Variants in HERC1 observed in about 807,000 individuals in gnomAD.
HERC1 encodes the protein HECT and RLD domain containing E3 ubiquitin protein ligase family member 1.
HERC1 carries 160 observed loss-of-function variants against 554.3 expected under a neutral mutation model. That is an observed-to-expected ratio of 0.29 (90% CI 0.25 to 0.33). The LOEUF (loss-of-function observed/expected upper bound fraction) is 0.33, where lower values mean the gene tolerates loss of function less well. HERC1 is among the 10% of genes least tolerant of loss of function. HERC1 has a pLI of 1.00. For synonymous variants in HERC1, 2,175 were observed against 2,131.7 expected (o/e 1.02, Z -0.56); for missense variants, 4,919 against 5,918.5 (o/e 0.83, Z 5.54).
At chr15:63,737,320 A>G (rs1264392544) in intron 12 of HERC1, among the ~76,000 whole-genome samples, 1 of 148,900 alleles carries the variant, frequency 6.7e-6, no homozygotes, top group Non-Finnish European at 1.5e-5. Context: ...CACAGAAAAC[A>G]ATGAAGAAGA....
At chr15:63,666,532 T>C (rs1198561974) in intron 40 of HERC1, 60 bp from the exon 41 acceptor site, 1 of 1,104,012 alleles carries the variant, frequency 9.1e-7, no homozygotes, top group East Asian at 2.4e-5. Context: ...GAGTAAAAAG[T>C]GTCTTCATAG....
rs1037391732 is a variant in HERC1 at position 63,645,522 on chromosome 15, A to G, written c.11039T>C (p.Leu3680Pro). 6.2e-7 allele frequency: 1 copy of G among 1,612,222 alleles called. No homozygotes were observed. Among genetic ancestry groups the G allele is most frequent in the African/African-American group, 1.3e-5 (1 of 74,832 alleles). ...CTGCAACTTGGATCCTTTCCCTGGA[A>G]GGCGGCACCAAGCAATGCCATTTAC... ...SIVNGIAWCR[L>P]PGKGSKLQLL... is the part of the protein sequence containing the mutation. The change falls in exon 56 of 78, where the codon CTT becomes CCT. Residue 3680 changes from leucine (L) to proline (P), a missense_variant. Physicochemically the swap from Leu to Pro is moderately conservative, Grantham distance 98. This residue lies in a region of HERC1 where 1,963 missense variants were observed against 2,228.6 expected (regional missense o/e 0.88). Coordinates refer to ENST00000443617, the MANE Select transcript of HERC1 (RefSeq NM_003922.4).
At chr15:63,737,270 A>G (rs1275231618) in intron 12 of HERC1, among the ~76,000 whole-genome samples, 1 of 149,978 alleles carries the variant, frequency 6.7e-6, no homozygotes, top group African/African-American at 2.5e-5. Flanking sequence ...CAGGAGGTCA[A>G]GTATCCCAAT....
intron 48 of HERC1, among the ~76,000 whole-genome samples, chr15:63,656,938 C>T (rs1375086688): frequency 6.6e-6 from 1 of 152,190 alleles, no homozygotes; most frequent in Non-Finnish European, 1.5e-5. Flanking sequence ...TTTATCCCTA[C>T]AGATGACAAT....
At chr15:63,815,693 A>T (rs1193699477) in intron 1 of HERC1, among the ~76,000 whole-genome samples, 4 of 151,922 alleles carry the variant, frequency 2.6e-5, no homozygotes, top group Non-Finnish European at 4.4e-5. Context: ...GGTTGGATAT[A>T]TTTTTTTTAC....
chr15:63,646,008 G>A (rs1325465669), intron 55 of HERC1, among the ~76,000 whole-genome samples: 1 of 152,062 alleles, frequency 6.6e-6, no homozygotes. Flanking sequence ...TATCCTTATT[G>A]ACTAATAATC....
chr15:63,628,838 C>G, intron 69 of HERC1, 23 bp from the exon 70 acceptor site: 3 of 1,603,230 alleles, frequency 1.9e-6, no homozygotes, highest in Non-Finnish European at 2.6e-6. Flanking sequence ...CACAAATATA[C>G]AGACATTCAA....
At chr15:63,617,208 T>C (rs905243365) in intron 74 of HERC1, among the ~76,000 whole-genome samples, 6 of 152,174 alleles carry the variant, frequency 3.9e-5, no homozygotes, top group Non-Finnish European at 2.9e-5. Flanking sequence ...CCCCTTCCTG[T>C]GTCCATGTGT....
chr15:63,676,405 T>C (rs1229958346), intron 37 of HERC1, among the ~76,000 whole-genome samples: 4 of 152,196 alleles, frequency 2.6e-5, no homozygotes, highest in Non-Finnish European at 4.4e-5. Context: ...AGATGATCCA[T>C]AGCATTCACT....
In HERC1 at chr15:63,677,685, C is replaced by G. The variant is rs2071277386; in HGVS notation, c.7070+160G>C. Among the ~76,000 whole-genome samples, 1 of 152,158 alleles carries G rather than the reference C, an allele frequency of 6.6e-6. No homozygotes were observed. Among genetic ancestry groups the G allele is most frequent in the South Asian group, 2.1e-4 (1 of 4,834 alleles). ...AAGAACATGGGTTTAGGAAATTCTC[C>G]TTTAAGAAATTACAGTAGAAACATC... On this transcript the variant is annotated intron_variant, in intron 37 of 77. Transcript: ENST00000443617. This position sits in a 1 kb window ranked among gnomAD's most constrained non-coding sequence, Gnocchi z 4.4.
intron 1 of HERC1, among the ~76,000 whole-genome samples, chr15:63,793,523 C>T (rs1054451448): frequency 4.6e-5 from 7 of 152,148 alleles, no homozygotes; most frequent in Admixed American, 3.3e-4. Flanking sequence ...ACCCCTCTCC[C>T]AGAAAACTCA....
At chr15:63,741,949 G>A (rs2074828416) in intron 12 of HERC1, among the ~76,000 whole-genome samples, 1 of 152,128 alleles carries the variant, frequency 6.6e-6, no homozygotes, top group Non-Finnish European at 1.5e-5. Context: ...TCTTTTTCAA[G>A]ACTGTTTTGG....
At chr15:63,669,810 T>G (rs1166950344) in intron 39 of HERC1, 112 bp from the exon 40 acceptor site, 3 of 890,704 alleles carry the variant, frequency 3.4e-6, no homozygotes, top group African/African-American at 1.7e-5. Flanking sequence ...AGGTTAGTTA[T>G]AGTTTAATGG....
intron 42 of HERC1, 28 bp downstream of exon 42, chr15:63,665,891 A>T: frequency 6.4e-7 from 1 of 1,554,978 alleles, no homozygotes; most frequent in South Asian, 1.1e-5. Context: ...TAACACATGG[A>T]ACAAAAGTAC....
chr15:63,655,078 G>C (rs2069947913), intron 50 of HERC1, among the ~76,000 whole-genome samples: 1 of 152,100 alleles, frequency 6.6e-6, no homozygotes, highest in Non-Finnish European at 1.5e-5. Flanking sequence ...TATCGGCTGG[G>C]TGTGGTGGCT....
At chr15:63,754,849 G>A (rs148338552) in intron 6 of HERC1, among the ~76,000 whole-genome samples, 22 of 152,060 alleles carry the variant, frequency 1.4e-4, no homozygotes, top group Admixed American at 5.9e-4. Flanking sequence ...GAGTCACTTC[G>A]GTGAACCATT....
Position 63,637,385 on chromosome 15 carries a change from T to C in HERC1, c.12232+120A>G, listed in dbSNP as rs940459453. ...ACACATGCCTAAATAAGGATTTAAA[T>C]GTAAGTGAAAACCTGATATGATTTT... On this transcript the variant is annotated intron_variant, in intron 64 of 77. Coordinates refer to ENST00000443617, the MANE Select transcript of HERC1 (RefSeq NM_003922.4). 6 of 809,028 alleles carry C rather than the reference T, an allele frequency of 7.4e-6. No individual in the cohort carries two copies. The African/African-American group carries it at 8.7e-5, about 12-fold the overall frequency. 50.1% of individuals were successfully genotyped at this position (809,028 alleles called of 1,614,324 possible).
At chr15:63,640,841 A>G (rs895835527) in intron 60 of HERC1, among the ~76,000 whole-genome samples, 3 of 152,212 alleles carry the variant, frequency 2.0e-5, no homozygotes, top group African/African-American at 7.2e-5. Context: ...TTGATTGGAA[A>G]AAAAAGCAGG....
In HERC1 at chr15:63,649,835, G is replaced by C; in HGVS notation, c.10637C>G (p.Ser3546Cys). ...CCGTCCCACCAACAACAATTCTGGA[G>C]ACTCTCCTGACCAGGCTGTAGCCGG... ...EGPATAWSGE[S>C]PELLLVGRMD... Residue 3546 changes from serine (S) to cysteine (C), a missense_variant, in exon 54 of 78, where the codon TCT becomes TGT. Physicochemically the swap from Ser to Cys is moderately radical, Grantham distance 112. Transcript: ENST00000443617. The C allele has an allele frequency of 6.2e-7, 1 of 1,613,406 alleles. No individual in the cohort carries two copies. Among genetic ancestry groups the C allele is most frequent in the Non-Finnish European group, 8.5e-7 (1 of 1,179,652 alleles).
Sources: gnomAD v4.1 joint callset for allele counts (sites outside exome capture counted in the v4.1 genomes callset) on GRCh38, gnomAD v4.1.1 for gene constraint, gnomAD v4.1.1 regional missense constraint, Gnocchi (gnomAD v3.1) non-coding constraint, MANE v1.5 for transcripts, NCBI Gene and HGNC (gene_info 2026-07-23, HGNC 2026-07-21) for gene names.